Variants in MAP2K5 observed in about 807,000 individuals in gnomAD.
MAP2K5 encodes dual specificity mitogen-activated protein kinase kinase 5.
MAP2K5 carries 49 observed loss-of-function variants against 83.1 expected under a neutral mutation model. The observed-to-expected ratio is 0.59, with a 90% CI of 0.47 to 0.75. The LOEUF is 0.75. Among genes scored for constraint, MAP2K5 ranks in the 30% least tolerant of loss-of-function variants. MAP2K5 has a pLI of 0.00. For synonymous variants in MAP2K5, 202 were observed against 191.8 expected (o/e 1.05, Z -0.44); for missense variants, 457 against 557.5 (o/e 0.82, Z 1.82).
At position 67,806,776 on chromosome 15, in the gene MAP2K5, A is replaced by C; in HGVS notation, c.*26A>C. 6.3e-7 allele frequency: 1 copy of C among 1,582,414 alleles called. No individual in the cohort carries two copies. The highest frequency in any genetic ancestry group is 1.1e-5 in the South Asian group (1 of 87,378). ...GGCTGCCGCAGGGCACTGAAAGCCC[A>C]GGACCAGTAACCAAGGAGAACAACC... is the stretch of plus-strand genomic sequence containing the variant. On this transcript the variant is annotated 3_prime_UTR_variant, in exon 22 of 22. Coordinates refer to ENST00000178640, the MANE Select transcript of MAP2K5 (RefSeq NM_145160.3).
intron 21 of MAP2K5, among the ~76,000 whole-genome samples, chr15:67,789,461 G>C (rs1171127979): frequency 6.6e-6 from 1 of 152,174 alleles, no homozygotes; most frequent in African/African-American, 2.4e-5. Context: ...CTTAACGCCT[G>C]TAATCCCAGC....
At position 67,656,005 on chromosome 15, in the gene MAP2K5, C is replaced by T. The variant is rs143636588; in HGVS notation, c.737-2548C>T. Among the ~76,000 whole-genome samples the T allele has an allele frequency of 1.4e-4, 22 of 152,180 alleles. No homozygotes were observed. The East Asian group carries it at 4.2e-3, about 29-fold the overall frequency. On this transcript the variant is annotated intron_variant, in intron 11 of 21. Transcript: ENST00000178640. ...TGCTGTCTCAAATATGCTGTTGATC[C>T]TCTCCAAAAATTTTCATTTCAGTTA...
chr15:67,578,517 C>A (rs2085111516), intron 3 of MAP2K5, among the ~76,000 whole-genome samples: 1 of 151,998 alleles, frequency 6.6e-6, no homozygotes, highest in Non-Finnish European at 1.5e-5. Flanking sequence ...ATGCAGTAGT[C>A]CAGCAGGAGA....
chr15:67,659,611 GA>G (rs1596740188), intron 12 of MAP2K5, among the ~76,000 whole-genome samples: 1 of 152,014 alleles, frequency 6.6e-6, no homozygotes, highest in Non-Finnish European at 1.5e-5. Flanking sequence ...TATTTTAGAT[GA>G]AAATAAAAAT....
At position 67,590,432 on chromosome 15, in the gene MAP2K5, T is replaced by C. The variant is rs541935935; in HGVS notation, c.432-2494T>C. 6.4e-3 allele frequency among the ~76,000 whole-genome samples: 477 copies of C among 74,668 alleles called. 9 individuals are homozygous for C. The highest frequency in any genetic ancestry group is 0.024 in the African/African-American group (438 of 18,406). The allele number at this position is 74,668 out of a possible 152,430, so 49.0% of individuals were successfully genotyped here. ...CTCCCTCTCTCCCTCCCTCCCTCTC[T>C]CTCTCCCTCCCTCCCTCTCTCTCTC... On this transcript the variant is annotated intron_variant, in intron 6 of 21. Transcript: ENST00000178640.
At position 67,779,535 on chromosome 15, in the gene MAP2K5, G is replaced by A. The variant is rs1566961730; in HGVS notation, c.1242+6783G>A. 1.3e-5 allele frequency among the ~76,000 whole-genome samples: 2 copies of A among 152,216 alleles called. No individual in the cohort carries two copies. The highest frequency in any genetic ancestry group is 1.9e-4 in the East Asian group (1 of 5,208). On this transcript the variant is annotated intron_variant, in intron 21 of 21. Transcript: ENST00000178640. The surrounding 1 kb of genome is among the most constrained non-coding windows in gnomAD (Gnocchi z 4.6). ...TATGTATATGTCTTTATATGCATGC[G>A]CATAGCAAGAGAGATATAGATAAAG...
rs2084736809 is a variant in MAP2K5, at chr15:67,561,512, G to A, written c.185-1771G>A. On this transcript the variant is annotated intron_variant, in intron 2 of 21. Transcript: ENST00000178640. The surrounding 1 kb of genome is among the most constrained non-coding windows in gnomAD (Gnocchi z 4.2). Reference sequence around the variant, plus strand: ...GTGTATGCCTTTTACTCTGAAAACAGGCAACTCTTGATAGCAGAATACTGG... The same window carrying A: ...GTGTATGCCTTTTACTCTGAAAACAAGCAACTCTTGATAGCAGAATACTGG... 6.6e-6 allele frequency among the ~76,000 whole-genome samples: 1 copy of A among 152,138 alleles called. No homozygotes were observed. Among genetic ancestry groups the A allele is most frequent in the African/African-American group, 2.4e-5 (1 of 41,428 alleles).
chr15:67,682,228 T>G (rs1290924636), intron 13 of MAP2K5, among the ~76,000 whole-genome samples: 1 of 152,028 alleles, frequency 6.6e-6, no homozygotes, highest in East Asian at 1.9e-4. Context: ...AGCTATTTTT[T>G]TTTTTTTAAG....
chr15:67,636,070 C>T lies in MAP2K5; in HGVS notation c.585+5143C>T, dbSNP rs1596694848. ...CCACCCGCCTCCACCTATCAAAGTG[C>T]TGGGATTACAGGTGTGAGCCAGGGC... On this transcript the variant is annotated intron_variant, in intron 9 of 21. Transcript: ENST00000178640. The surrounding 1 kb of genome is among the most constrained non-coding windows in gnomAD (Gnocchi z 4.7). Among the ~76,000 whole-genome samples, 1 of 152,284 alleles carries T rather than the reference C, an allele frequency of 6.6e-6. No individual in the cohort carries two copies. Among genetic ancestry groups the T allele is most frequent in the East Asian group, 1.9e-4 (1 of 5,174 alleles).
chr15:67,759,211 G>A (rs925381869), intron 19 of MAP2K5, among the ~76,000 whole-genome samples: 1 of 152,118 alleles, frequency 6.6e-6, no homozygotes, highest in Non-Finnish European at 1.5e-5. Flanking sequence ...GTGCTGGGGG[G>A]TGGGGGATGC....
Position 67,565,838 on chromosome 15 carries a change from G to A in MAP2K5, c.252+2488G>A, listed in dbSNP as rs1333976934. The stretch of plus-strand genomic sequence containing the variant: ...TTGCCCAGGTTGGCCTCAAACTCCT[G>A]GCCTCAAGTGGTCCTCCTGCCTCAG... On this transcript the variant is annotated intron_variant, in intron 3 of 21. Transcript: ENST00000178640. This position sits in a 1 kb window ranked among gnomAD's most constrained non-coding sequence, Gnocchi z 4.1. Among the ~76,000 whole-genome samples the A allele has an allele frequency of 6.6e-6, 1 of 151,604 alleles. No individual in the cohort carries two copies. Among genetic ancestry groups the A allele is most frequent in the African/African-American group, 2.4e-5 (1 of 41,260 alleles).
chr15:67,593,342 C>T (rs187310418), intron 7 of MAP2K5, among the ~76,000 whole-genome samples: 23 of 152,292 alleles, frequency 1.5e-4, no homozygotes, highest in Admixed American at 8.5e-4. Context: ...CACCTTAGCT[C>T]CTTCTTTTGT....
chr15:67,586,472 C>T (rs1053753773), intron 5 of MAP2K5, among the ~76,000 whole-genome samples: 9 of 152,078 alleles, frequency 5.9e-5, no homozygotes, highest in African/African-American at 1.9e-4. Flanking sequence ...ATACAGTGTT[C>T]TGCTTGGTTG....
In MAP2K5 at chr15:67,601,170, G is replaced by A. The variant is rs149027564; in HGVS notation, c.545+421G>A. Reference sequence around the variant, plus strand: ...GCTTTGCCCTGTGTCAACACTATAAGTTATTAAAAAGCCTTCTTCCTGTTG... The same window carrying A: ...GCTTTGCCCTGTGTCAACACTATAAATTATTAAAAAGCCTTCTTCCTGTTG... On this transcript the variant is annotated intron_variant, in intron 8 of 21. Transcript: ENST00000178640. Among the ~76,000 whole-genome samples, 4 of 152,194 alleles carry A rather than the reference G, an allele frequency of 2.6e-5. No individual in the cohort carries two copies. The East Asian group carries it at 7.7e-4, about 29-fold the overall frequency.
intron 3 of MAP2K5, among the ~76,000 whole-genome samples, chr15:67,575,515 C>T (rs377004140): frequency 3.9e-5 from 6 of 152,142 alleles, no homozygotes; most frequent in African/African-American, 7.2e-5. Flanking sequence ...AGGGTGTGAG[C>T]GAAGCCACAG....
chr15:67,762,690 A>G (rs2089972371), intron 19 of MAP2K5, among the ~76,000 whole-genome samples: 2 of 152,236 alleles, frequency 1.3e-5, no homozygotes, highest in East Asian at 3.8e-4. Flanking sequence ...GGAGAAAAAG[A>G]AAATAGGAAA....
intron 16 of MAP2K5, among the ~76,000 whole-genome samples, chr15:67,706,734 A>T (rs955974405): frequency 6.6e-6 from 1 of 152,186 alleles, no homozygotes; most frequent in Non-Finnish European, 1.5e-5. Flanking sequence ...TACCAACACA[A>T]GTAATAGACC....
intron 1 of MAP2K5, among the ~76,000 whole-genome samples, chr15:67,548,309 T>TAC (rs2084437980): frequency 6.6e-6 from 1 of 152,226 alleles, no homozygotes; most frequent in South Asian, 2.1e-4. Context: ...TTTTTAAACC[T>TAC]ACACTGGCTA....
chr15:67,563,485 A>G lies in MAP2K5; in HGVS notation c.252+135A>G. ...TTCTATATAATAGGTAAAGGTTTCA[A>G]GGATTTCCGTATGTGAAAGTTAAGG... On this transcript the variant is annotated intron_variant, in intron 3 of 21. Transcript: ENST00000178640. The surrounding 1 kb of genome is among the most constrained non-coding windows in gnomAD (Gnocchi z 4.5). The G allele has an allele frequency of 8.9e-7, 1 of 1,119,952 alleles. No homozygotes were observed. The highest frequency in any genetic ancestry group is 1.2e-6 in the Non-Finnish European group (1 of 813,720). 69.4% of individuals were successfully genotyped at this position (1,119,952 alleles called of 1,614,324 possible).
Sources: allele counts gnomAD v4.1 joint callset (sites outside exome capture counted in the v4.1 genomes callset), GRCh38; gene constraint gnomAD v4.1.1; non-coding constraint Gnocchi (gnomAD v3.1); transcripts MANE v1.5; gene names NCBI Gene and HGNC (gene_info 2026-07-23, HGNC 2026-07-21).